The following KSR2 variants were observed in gnomAD, a reference collection of about 807,000 sequenced individuals.
The protein encoded by KSR2 is kinase suppressor of ras 2.
A neutral mutation model predicts 107.8 loss-of-function variants in KSR2; 25 were observed. The observed-to-expected ratio is 0.23, with a 90% confidence interval of 0.17 to 0.32. The LOEUF (loss-of-function observed/expected upper bound fraction) is 0.32. KSR2 is among the 10% of genes least tolerant of loss of function. The pLI is 1.00. For missense variants in KSR2, 887 were observed against 1,268.9 expected, an observed-to-expected ratio of 0.70 and a Z score of 4.57; for synonymous variants, 480 against 507.0, an observed-to-expected ratio of 0.95 and a Z score of 0.71.
intron 4 of KSR2, among the ~76,000 whole-genome samples, chr12:117,711,491 C>A (rs1314813667): frequency 6.6e-6 from 1 of 152,198 alleles, no homozygotes; most frequent in African/African-American, 2.4e-5. Flanking sequence ...TGGAGATGTG[C>A]AAATGCTGGT....
chr12:117,687,609 A>T (rs1053992690), intron 4 of KSR2, among the ~76,000 whole-genome samples: 22 of 152,100 alleles, frequency 1.4e-4, no homozygotes, highest in African/African-American at 5.1e-4. Context: ...AATAGCCTGT[A>T]CTGCTGTCTT....
chr12:117,928,919 G>A (rs1382894161), intron 1 of KSR2, among the ~76,000 whole-genome samples: 3 of 152,124 alleles, frequency 2.0e-5, no homozygotes, highest in Non-Finnish European at 2.9e-5. Context: ...ACTCAGATCT[G>A]GTAGACTTCA....
In KSR2 at chr12:117,591,373, G is replaced by A. The variant is rs562584445; in HGVS notation, c.1172-9014C>T. On this transcript the variant is annotated intron_variant, in intron 5 of 19. Coordinates refer to ENST00000339824, the MANE Select transcript of KSR2 (RefSeq NM_173598.6). ...AGGGGAAGGAACATGCTGATCCCAGGCAGAAGAGGAAGAAATGCCCCTGCA... is the reference window on the plus strand; with the variant it reads ...AGGGGAAGGAACATGCTGATCCCAGACAGAAGAGGAAGAAATGCCCCTGCA... 3.3e-5 allele frequency among the ~76,000 whole-genome samples: 5 copies of A among 152,264 alleles called. No homozygotes were observed. In the East Asian group the frequency reaches 7.7e-4, roughly 24 times the overall value.
intron 17 of KSR2, among the ~76,000 whole-genome samples, chr12:117,475,405 C>G (rs1285898300): frequency 3.3e-5 from 5 of 152,130 alleles, no homozygotes; most frequent in African/African-American, 1.2e-4. Context: ...ATATATTATT[C>G]CATGTGGGCA....
At chr12:117,567,135 A>T (rs1028573659) in intron 7 of KSR2, among the ~76,000 whole-genome samples, 1 of 152,226 alleles carries the variant, frequency 6.6e-6, no homozygotes, top group Non-Finnish European at 1.5e-5. Flanking sequence ...AGGTAAATAG[A>T]CAAATAAAAC....
chr12:117,579,693 A>G (rs1879524533), intron 6 of KSR2, among the ~76,000 whole-genome samples: 1 of 152,206 alleles, frequency 6.6e-6, no homozygotes, highest in South Asian at 2.1e-4. Context: ...CTTGCCGGTC[A>G]TATCACCTGG....
chr12:117,701,358 G>A (rs1257283805), intron 4 of KSR2, among the ~76,000 whole-genome samples: 1 of 152,164 alleles, frequency 6.6e-6, no homozygotes, highest in Non-Finnish European at 1.5e-5. Flanking sequence ...CTCGCAAAGT[G>A]CGGGGATTAC....
intron 3 of KSR2, among the ~76,000 whole-genome samples, chr12:117,826,345 G>C (rs977928790): frequency 3.9e-5 from 6 of 152,086 alleles, no homozygotes; most frequent in Non-Finnish European, 8.8e-5. Context: ...CAGTCCTGCT[G>C]TGCAGCCTCA....
chr12:117,656,539 A>T (rs1884164691), intron 5 of KSR2, among the ~76,000 whole-genome samples: 1 of 152,200 alleles, frequency 6.6e-6, no homozygotes. Context: ...ACTTGAACCC[A>T]GGAGGTGGAG....
chr12:117,606,629 T>C (rs1881290666), intron 5 of KSR2, among the ~76,000 whole-genome samples: 2 of 100,538 alleles, frequency 2.0e-5, no homozygotes, highest in Admixed American at 1.1e-4. Context: ...CCTCCCTTTC[T>C]TCCCTACTTC....
intron 5 of KSR2, among the ~76,000 whole-genome samples, chr12:117,604,903 C>T (rs1223793062): frequency 1.3e-5 from 2 of 152,062 alleles, no homozygotes; most frequent in African/African-American, 2.4e-5. Context: ...AGGGCCACTG[C>T]ATTTTCTCAT....
At chr12:117,675,307 C>T (rs1463707702) in intron 4 of KSR2, among the ~76,000 whole-genome samples, 1 of 152,164 alleles carries the variant, frequency 6.6e-6, no homozygotes, top group African/African-American at 2.4e-5. Context: ...TGTATCCCAC[C>T]TCAAGCAAGG....
At chr12:117,780,992 A>C (rs1175534313) in intron 3 of KSR2, among the ~76,000 whole-genome samples, 2 of 152,162 alleles carry the variant, frequency 1.3e-5, no homozygotes, top group African/African-American at 2.4e-5. Flanking sequence ...CCCAAATCTC[A>C]CTGAATTGTA....
rs138871530 is a variant in KSR2, at chr12:117,750,869, G to A, written c.986+10142C>T. Among the ~76,000 whole-genome samples, 389 of 152,230 alleles carry A rather than the reference G, an allele frequency of 2.6e-3. 1 individual carries two copies. Among genetic ancestry groups the A allele is most frequent in the African/African-American group, 8.8e-3 (364 of 41,528 alleles). Reference sequence around the variant, plus strand: ...TTTTTATGGCTGTATAGTATTCCATGGCATATATGTACCACATTTTCTTTA... The same window carrying A: ...TTTTTATGGCTGTATAGTATTCCATAGCATATATGTACCACATTTTCTTTA... On this transcript the variant is annotated intron_variant, in intron 4 of 19. Transcript: ENST00000339824.
At chr12:117,630,840 C>T (rs1204536382) in intron 5 of KSR2, among the ~76,000 whole-genome samples, 1 of 151,934 alleles carries the variant, frequency 6.6e-6, no homozygotes, top group Non-Finnish European at 1.5e-5. Flanking sequence ...AAACTGGGGA[C>T]CGGGGTTACA....
At chr12:117,792,359 AAAGAAG>A (rs1386898438) in intron 3 of KSR2, among the ~76,000 whole-genome samples, 1 of 151,728 alleles carries the variant, frequency 6.6e-6, no homozygotes, top group African/African-American at 2.4e-5. Context: ...TTAAAAAAAA[AAAGAAG>A]AAGAAGAAGA....
At chr12:117,909,098 C>A (rs563696278) in intron 1 of KSR2, among the ~76,000 whole-genome samples, 1 of 152,242 alleles carries the variant, frequency 6.6e-6, no homozygotes, top group South Asian at 2.1e-4. Flanking sequence ...TACCAGTGGT[C>A]TTTGAACTTC....
intron 1 of KSR2, among the ~76,000 whole-genome samples, chr12:117,962,051 A>C (rs1896675680): frequency 6.6e-6 from 1 of 151,098 alleles, no homozygotes; most frequent in Middle Eastern, 3.4e-3. Context: ...AGGCTGAGAC[A>C]GGAGGATCGC....
chr12:117,731,266 T>G (rs190058637), intron 4 of KSR2, among the ~76,000 whole-genome samples: 35,021 of 134,356 alleles, frequency 0.26, 5,931 homozygotes, highest in African/African-American at 0.47. Flanking sequence ...GAGCCCCTCC[T>G]CCCAGCAGCC....
Sources: allele counts gnomAD v4.1 joint callset (sites outside exome capture counted in the v4.1 genomes callset), GRCh38; gene constraint gnomAD v4.1.1; transcripts MANE v1.5; gene names NCBI Gene and HGNC (gene_info 2026-07-23, HGNC 2026-07-21).